Variants in TDRKH observed in about 807,000 individuals in gnomAD.
TDRKH encodes the protein tudor and KH domain-containing protein.
TDRKH carries 28 observed loss-of-function variants against 61.3 expected under a neutral mutation model. The observed-to-expected ratio is 0.46, with a 90% CI of 0.34 to 0.63. TDRKH has a LOEUF of 0.63. TDRKH is among the 20% of genes least tolerant of loss of function. The pLI, the probability that TDRKH is intolerant of heterozygous loss-of-function variation, is 0.01. For missense variants in TDRKH, 540 were observed against 683.4 expected, an observed-to-expected ratio of 0.79 and a Z score of 2.34; for synonymous variants, 219 against 244.4, an observed-to-expected ratio of 0.90 and a Z score of 0.97.
At chr1:151,768,352 A>G (rs1648445520), downstream of TDRKH, 2 of 1,414,092 alleles carry the variant, frequency 1.4e-6, no homozygotes, top group Non-Finnish European at 1.9e-6. Flanking sequence ...TTCACCTGGC[A>G]TGCAGACAAG....
chr1:151,783,073 A>G, intron 1 of TDRKH, 24 bp from the exon 2 acceptor site: 1 of 1,593,000 alleles, frequency 6.3e-7, no homozygotes, highest in Non-Finnish European at 8.5e-7. Context: ...AGCAGGGAAA[A>G]GAGGGAGGTT....
chr1:151,773,244 A>C (rs1648844261), downstream of TDRKH, among the ~76,000 whole-genome samples: 1 of 151,994 alleles, frequency 6.6e-6, no homozygotes, highest in Non-Finnish European at 1.5e-5. Context: ...GGGTTTCACC[A>C]TGTTGGCCTC....
At chr1:151,766,937 A>C (rs1648379612), downstream of TDRKH, 4 of 1,502,244 alleles carry the variant, frequency 2.7e-6, no homozygotes, top group Non-Finnish European at 3.7e-6. Context: ...AATGTAAGGA[A>C]AAAGTAAAAG....
Position 151,782,901 on chromosome 1 carries a change from C to CT in TDRKH, c.121dup (p.Arg41LysfsTer12), listed in dbSNP as rs1649971321. 1 of 1,605,622 alleles carries CT rather than the reference C, an allele frequency of 6.2e-7. No homozygotes were observed. Among genetic ancestry groups the CT allele is most frequent in the Non-Finnish European group, 8.5e-7 (1 of 1,176,830 alleles). On this transcript the variant is annotated frameshift_variant, in exon 2 of 13. Coordinates refer to ENST00000368824, the MANE Select transcript of TDRKH (RefSeq NM_001083965.2). LOFTEE classifies it high-confidence loss of function. ...ACACAGTCATAGGGTTCACGTACCT[C>CT]TGCTTTCCCTATACCTGCGGTATAG...
rs1028483575 is a variant in TDRKH, at chr1:151,781,520, C to T, written c.192G>A (p.Val64=). 6.2e-7 allele frequency: 1 copy of T among 1,613,446 alleles called. No individual in the cohort carries two copies. Among genetic ancestry groups the T allele is most frequent in the Non-Finnish European group, 8.5e-7 (1 of 1,179,790 alleles). Residue 64 remains valine (V), a synonymous_variant, in exon 3 of 13, where the codon GTG becomes GTA. Transcript: ENST00000368824. The stretch of plus-strand genomic sequence containing the variant: ...CTCCTTGCCGGCCAATGATGAGTTT[C>T]ACAGCCTCCTGGGGAACCCGCATCT... ...EIEMRVPQEA[V]KLIIGRQGAN... is the part of the protein sequence containing the mutation.
chr1:151,781,328 AAT>A (rs60652277), intron 3 of TDRKH, among the ~76,000 whole-genome samples, 151 bp downstream of exon 3: 3,179 of 68,600 alleles, frequency 0.046, 241 homozygotes, highest in African/African-American at 0.085. Context: ...AAAAAAAAAA[AAT>A]ATATATATAT....
At chr1:151,787,471 C>T (rs1489919269) in intron 1 of TDRKH, among the ~76,000 whole-genome samples, 1 of 152,124 alleles carries the variant, frequency 6.6e-6, no homozygotes, top group African/African-American at 2.4e-5. Context: ...CCCACCTCGG[C>T]CTCCCAAAGT....
Position 151,775,814 on chromosome 1 carries a change from A to G in TDRKH, c.1282+6T>C. 2 of 1,613,126 alleles carry G rather than the reference A, an allele frequency of 1.2e-6. No homozygotes were observed. Among genetic ancestry groups the G allele is most frequent in the Non-Finnish European group, 1.7e-6 (2 of 1,179,152 alleles). Reference sequence around the variant, plus strand: ...GTAAGCTCAATAGATGGCATGACCAATTTACCTGAGGGAGCAATCCGTGCC... The same window carrying G: ...GTAAGCTCAATAGATGGCATGACCAGTTTACCTGAGGGAGCAATCCGTGCC... On this transcript the variant is annotated splice_donor_region_variant and intron_variant, in intron 9 of 12. Transcript: ENST00000368824.
downstream of TDRKH, chr1:151,771,636 T>C (rs749019095): frequency 1.4e-5 from 5 of 354,898 alleles, no homozygotes; most frequent in African/African-American, 2.1e-5. Flanking sequence ...AGAAGGCACA[T>C]AGATCTCTTG....
In TDRKH at chr1:151,776,393, T is replaced by C. The variant is rs772952439; in HGVS notation, c.1044+46A>G. Reference sequence around the variant, plus strand: ...AAGGAAGAGTACAATGAAAAAGATATGCCTTCTTTTCATTAAACCCCAGCC... The same window carrying C: ...AAGGAAGAGTACAATGAAAAAGATACGCCTTCTTTTCATTAAACCCCAGCC... On this transcript the variant is annotated intron_variant, in intron 7 of 12. Transcript: ENST00000368824. 4.4e-6 allele frequency: 7 copies of C among 1,605,202 alleles called. No individual in the cohort carries two copies. The African/African-American group carries it at 8.0e-5, about 18-fold the overall frequency.
At chr1:151,789,007 C>A (rs1186111348) in intron 1 of TDRKH, among the ~76,000 whole-genome samples, 3 of 152,128 alleles carry the variant, frequency 2.0e-5, no homozygotes, top group African/African-American at 7.2e-5. Flanking sequence ...AGGGCCTAGT[C>A]CAGGTGTCAA....
chr1:151,767,083 G>A (rs1365166727), downstream of TDRKH: 9 of 1,552,102 alleles, frequency 5.8e-6, no homozygotes, highest in Non-Finnish European at 7.0e-6. Context: ...AAATACAGAA[G>A]ATCATGCCAG....
downstream of TDRKH, chr1:151,771,347 T>C: frequency 2.0e-6 from 3 of 1,490,146 alleles, no homozygotes; most frequent in Non-Finnish European, 2.7e-6. Flanking sequence ...GTTCACGGTT[T>C]CTTGGGGGGG....
At chr1:151,770,444 G>A (rs1052901536), downstream of TDRKH, 2 of 789,514 alleles carry the variant, frequency 2.5e-6, no homozygotes, top group Admixed American at 3.3e-5. Flanking sequence ...ACTGGACTCT[G>A]AGGAAGCCCC....
At chr1:151,782,371 C>T (rs762276100) in intron 2 of TDRKH, among the ~76,000 whole-genome samples, 10 of 151,854 alleles carry the variant, frequency 6.6e-5, no homozygotes, top group African/African-American at 1.7e-4. Context: ...TGCTTGAACT[C>T]GGGAGGCAGA....
chr1:151,769,950 C>G (rs1259815878), downstream of TDRKH, among the ~76,000 whole-genome samples: 1 of 152,176 alleles, frequency 6.6e-6, no homozygotes, highest in Admixed American at 6.5e-5. Flanking sequence ...CACGCGCCTG[C>G]AATCCCAGGC....
chr1:151,767,118 C>T (rs1021033288), downstream of TDRKH: 2 of 1,607,604 alleles, frequency 1.2e-6, no homozygotes, highest in Admixed American at 3.3e-5. Context: ...TATCTTCCCA[C>T]CTCAGATTCC....
At position 151,785,854 on chromosome 1, in the gene TDRKH, C is replaced by G. The variant is rs60136317; in HGVS notation, c.-27-2805G>C. ...TAAAAAAACACTGAAGACTAAAAAA[C>G]TAAAGATAGGTGATAAAAAACTGAA... is the stretch of plus-strand genomic sequence containing the variant. On this transcript the variant is annotated intron_variant, in intron 1 of 12. Coordinates refer to ENST00000368824, the MANE Select transcript of TDRKH (RefSeq NM_001083965.2). Among the ~76,000 whole-genome samples, 745 of 152,030 alleles carry G rather than the reference C, an allele frequency of 4.9e-3. 1 individual carries two copies. The highest frequency in any genetic ancestry group is 0.017 in the African/African-American group (698 of 41,414).
intron 1 of TDRKH, among the ~76,000 whole-genome samples, chr1:151,785,295 C>T (rs1242498073): frequency 6.6e-6 from 1 of 152,194 alleles, no homozygotes; most frequent in Non-Finnish European, 1.5e-5. Flanking sequence ...AGCCTGTCAA[C>T]AAATCTTATT....
Sources: gnomAD v4.1 joint callset for allele counts (sites outside exome capture counted in the v4.1 genomes callset) on GRCh38, gnomAD v4.1.1 for gene constraint, MANE v1.5 for transcripts, NCBI Gene and HGNC (gene_info 2026-07-23, HGNC 2026-07-21) for gene names.